CASD1: variants seen among roughly 807,000 people sequenced by gnomAD.
CASD1 encodes the protein CAS1 domain sialic acid O acetyltransferase 1.
A neutral mutation model predicts 100.0 loss-of-function variants in CASD1; 41 were observed. That is an observed-to-expected ratio of 0.41 (90% CI 0.32 to 0.53). CASD1 has a LOEUF of 0.53. Among genes scored for constraint, CASD1 ranks in the 20% least tolerant of loss-of-function variants. The pLI, the probability that CASD1 is intolerant of heterozygous loss-of-function variation, is 0.25. For synonymous variants in CASD1, 321 were observed against 315.6 expected (o/e 1.02, Z -0.18); for missense variants, 774 against 948.7 (o/e 0.82, Z 2.42).
chr7:94,587,708 A>C, the CASD1 span: 1 of 1,534,198 alleles, frequency 6.5e-7, no homozygotes, highest in Non-Finnish European at 8.8e-7. Flanking sequence ...GCAAGTAATC[A>C]AAATTGTAGG....
rs1320544612 is a variant in CASD1 at position 94,539,495 on chromosome 7, C to T, written c.1356+439C>T. Among the ~76,000 whole-genome samples, 4 of 151,752 alleles carry T rather than the reference C, an allele frequency of 2.6e-5. No homozygotes were observed. The East Asian group carries it at 5.8e-4, about 22-fold the overall frequency. On this transcript the variant is annotated intron_variant, in intron 10 of 17. Coordinates refer to ENST00000297273, the MANE Select transcript of CASD1 (RefSeq NM_022900.5). ...ACCAGCCTAGCCAACATGGTGAGAC[C>T]CTGTCTCTACTAAAAATACAAAAAC...
At chr7:94,551,143 A>G (rs1795926748) in intron 14 of CASD1, among the ~76,000 whole-genome samples, 195 bp from the exon 15 acceptor site, 2 of 152,082 alleles carry the variant, frequency 1.3e-5, no homozygotes, top group Admixed American at 6.6e-5. Flanking sequence ...TTGCTTGTCT[A>G]TTGCTGATGG....
chr7:94,547,150 T>C lies in CASD1; in HGVS notation c.1688T>C (p.Phe563Ser). ...LLLKLGFLLL[F>S]ICFLAYSQGA... The stretch of plus-strand genomic sequence containing the variant: ...TTGAAACTAGGCTTTTTGCTGTTAT[T>C]CATATGTTTTTTGGCATATTCTCAG... The change falls in exon 13 of 18, where the codon TTC becomes TCC. Residue 563 changes from phenylalanine to serine, a missense_variant. Around this residue, in one of 5 missense-constraint regions of CASD1, gnomAD observed 453 missense variants for 532.6 expected, o/e 0.85. Transcript: ENST00000297273. 1 of 1,592,834 alleles carries C rather than the reference T, an allele frequency of 6.3e-7. No individual in the cohort carries two copies. The highest frequency in any genetic ancestry group is 8.6e-7 in the Non-Finnish European group (1 of 1,168,892).
intron 15 of CASD1, 57 bp downstream of exon 15, chr7:94,551,535 A>G (rs1795945905): frequency 2.9e-6 from 2 of 686,814 alleles, no homozygotes; most frequent in African/African-American, 1.9e-5. Flanking sequence ...ACATTAAGAT[A>G]TGGAAATATA....
the CASD1 span, chr7:94,622,666 T>C: frequency 6.6e-6 from 1 of 152,016 alleles, no homozygotes; most frequent in Non-Finnish European, 1.5e-5. Flanking sequence ...ACAAAGTATT[T>C]GGTGATATTT....
the CASD1 span, chr7:94,588,833 C>G: frequency 1.5e-6 from 2 of 1,307,790 alleles, no homozygotes; most frequent in African/African-American, 2.9e-5. Flanking sequence ...AAACTATGAC[C>G]CCAGTCATGT....
intron 13 of CASD1, among the ~76,000 whole-genome samples, chr7:94,548,466 A>G (rs917440865): frequency 1.3e-5 from 2 of 151,792 alleles, no homozygotes; most frequent in African/African-American, 2.4e-5. Context: ...ACACATATAT[A>G]TGATCTATAA....
At chr7:94,548,072 G>A (rs1795764498) in intron 13 of CASD1, among the ~76,000 whole-genome samples, 1 of 151,712 alleles carries the variant, frequency 6.6e-6, no homozygotes, top group South Asian at 2.1e-4. Flanking sequence ...AAATGTATAA[G>A]GAAATAGCCA....
chr7:94,545,974 C>T (rs1006590355), intron 12 of CASD1, among the ~76,000 whole-genome samples: 4 of 151,870 alleles, frequency 2.6e-5, no homozygotes, highest in African/African-American at 9.7e-5. Context: ...TACATATTAA[C>T]TAATGCTACA....
At chr7:94,539,168 T>C (rs2116345442) in intron 10 of CASD1, 112 bp downstream of exon 10, 2 of 454,072 alleles carry the variant, frequency 4.4e-6, no homozygotes, top group East Asian at 3.5e-5. Context: ...TATAGACCCT[T>C]CTTATTTCCC....
the CASD1 span, among the ~76,000 whole-genome samples, chr7:94,582,846 C>CTATG: frequency 6.6e-6 from 1 of 152,282 alleles, no homozygotes; most frequent in South Asian, 2.1e-4. Context: ...GAGAACAAGC[C>CTATG]TATGTCTAAT....
At chr7:94,587,923 C>T in the CASD1 span, 1 of 1,446,406 alleles carries the variant, frequency 6.9e-7, no homozygotes, top group Admixed American at 3.2e-5. Flanking sequence ...GTTTCCCTAC[C>T]ACAATGCCGC....
chr7:94,562,779 C>T, the CASD1 span, among the ~76,000 whole-genome samples: 2 of 152,100 alleles, frequency 1.3e-5, no homozygotes, highest in Admixed American at 6.6e-5. Flanking sequence ...GCCCTTATGA[C>T]GTAGCAATAA....
chr7:94,546,654 T>A (rs969990632), intron 12 of CASD1, among the ~76,000 whole-genome samples: 4 of 151,958 alleles, frequency 2.6e-5, no homozygotes, highest in Non-Finnish European at 5.9e-5. Flanking sequence ...AAATATATTT[T>A]ATGTTTAAAC....
At chr7:94,520,700 G>A (rs1468485044) in intron 3 of CASD1, among the ~76,000 whole-genome samples, 1 of 152,230 alleles carries the variant, frequency 6.6e-6, no homozygotes, top group African/African-American at 2.4e-5. Flanking sequence ...ACTCACGCCT[G>A]TAATCCCAAC....
the CASD1 span, chr7:94,600,745 T>C: frequency 6.2e-7 from 1 of 1,613,756 alleles, no homozygotes; most frequent in Non-Finnish European, 8.5e-7. Context: ...ATCCGTGTAA[T>C]AGTCTCTGCT....
chr7:94,553,240 T>C (rs774718755), intron 16 of CASD1: 72 of 234,474 alleles, frequency 3.1e-4, no homozygotes, highest in Non-Finnish European at 3.0e-4. Context: ...GTATGTTTTC[T>C]CATTTAATGT....
rs1795863247 is a variant in CASD1 at position 94,549,899 on chromosome 7, TA to T, written c.1815+266del. 2.0e-5 allele frequency among the ~76,000 whole-genome samples: 3 copies of T among 152,104 alleles called. No individual in the cohort carries two copies. The South Asian group carries it at 6.2e-4, about 31-fold the overall frequency. On this transcript the variant is annotated intron_variant, in intron 14 of 17. Transcript: ENST00000297273. The stretch of plus-strand genomic sequence containing the variant: ...CTTTGTCTGACTTATAATTTTGATT[TA>T]TAGGTGACTTGTTGTATATATGCTT...
chr7:94,587,890 G>GT, the CASD1 span: 1 of 1,497,342 alleles, frequency 6.7e-7, no homozygotes, highest in Non-Finnish European at 8.9e-7. Flanking sequence ...TGTGCCTGAA[G>GT]TTTTTAAGAG....
Sources: allele counts gnomAD v4.1 joint callset (sites outside exome capture counted in the v4.1 genomes callset), GRCh38; gene constraint gnomAD v4.1.1; regional missense constraint gnomAD v4.1.1; transcripts MANE v1.5; gene names NCBI Gene and HGNC (gene_info 2026-07-23, HGNC 2026-07-21).